Variants in HEATR6 observed in about 807,000 individuals in gnomAD.
HEATR6 encodes HEAT repeat containing 6, also known as HEAT repeat-containing protein 6.
Under a neutral mutation model 132.8 loss-of-function variants are expected in HEATR6, and 106 were observed. The ratio of observed to expected loss-of-function variants is 0.80; its 90% confidence interval spans 0.68 to 0.94. The LOEUF is 0.94. Among genes scored for constraint, HEATR6 ranks in the 40% least tolerant of loss-of-function variants. The pLI, the probability that HEATR6 is intolerant of heterozygous loss-of-function variation, is 0.00. For missense variants in HEATR6, 1,339 were observed against 1,425.1 expected (o/e 0.94, Z 0.97); for synonymous variants, 529 against 537.8 (o/e 0.98, Z 0.23).
rs1352350530 is a variant in HEATR6, at chr17:60,055,659, G to GAGTAACACCTTCACTCT, written c.2203-75_2203-59dup. The GAGTAACACCTTCACTCT allele has an allele frequency of 2.8e-5, 34 of 1,199,580 alleles. No individual in the cohort carries two copies. In the East Asian group the frequency reaches 6.4e-4, roughly 22 times the overall value. The allele number at this position is 1,199,580 out of a possible 1,614,324, so 74.3% of individuals were successfully genotyped here. On this transcript the variant is annotated intron_variant, in intron 13 of 19. Coordinates refer to ENST00000184956, the MANE Select transcript of HEATR6 (RefSeq NM_022070.5). The stretch of plus-strand genomic sequence containing the variant: ...TCAGAACTAATGAATGACTTCACTT[G>GAGTAACACCTTCACTCT]AGTAACACCTTCACTCTAGTAACAC...
chr17:60,073,596 G>A, intron 3 of HEATR6, 150 bp downstream of exon 3: 2 of 704,324 alleles, frequency 2.8e-6, no homozygotes, highest in South Asian at 3.9e-5. Flanking sequence ...CATCCTCAGA[G>A]TAACTATTTT....
intron 10 of HEATR6, 34 bp from the exon 11 acceptor site, chr17:60,059,555 T>C: frequency 7.0e-7 from 1 of 1,421,854 alleles, no homozygotes; most frequent in Non-Finnish European, 9.9e-7. Context: ...ATCAAAAGGC[T>C]TGATTAAACC....
intron 14 of HEATR6, 87 bp downstream of exon 14, chr17:60,055,428 T>C: frequency 1.3e-6 from 1 of 789,504 alleles, no homozygotes; most frequent in South Asian, 1.8e-5. Flanking sequence ...AGAAACCATA[T>C]CATCTACTCC....
Position 60,055,548 on chromosome 17 carries a change from A to T in HEATR6, c.2256T>A (p.Thr752=). 6.2e-7 allele frequency: 1 copy of T among 1,613,318 alleles called. No individual in the cohort carries two copies. Among genetic ancestry groups the T allele is most frequent in the Non-Finnish European group, 8.5e-7 (1 of 1,179,582 alleles). Residue 752 remains threonine, a synonymous_variant, in exon 14 of 20, where the codon ACT becomes ACA. Transcript: ENST00000184956. ...CTGGTGCTCTCTGATCAGGTGCTGC[A>T]GTGGAGTCTGGTTTATACTGCTGTA... is the stretch of plus-strand genomic sequence containing the variant. ...GLIQQYKPDS[T]AAPDQRAPVF... is the part of the protein sequence containing the mutation.
At position 60,046,081 on chromosome 17, in the gene HEATR6, C is replaced by T. The variant is rs748739017; in HGVS notation, c.2918G>A (p.Arg973Gln). Residue 973 changes from arginine to glutamine, a missense_variant, in exon 19 of 20, where the codon CGA becomes CAA. Physicochemically the swap from Arg to Gln is conservative, Grantham distance 43. Coordinates refer to ENST00000184956, the MANE Select transcript of HEATR6 (RefSeq NM_022070.5). Reference sequence around the variant, plus strand: ...TCCCATTGCATAACAAGCATTCCATCGGACTTTCATGGCAGCTTCTGTTAG... The same window carrying T: ...TCCCATTGCATAACAAGCATTCCATTGGACTTTCATGGCAGCTTCTGTTAG... ...TVLTEAAMKV[R>Q]WNACYAMGNV... 18 of 1,614,082 alleles carry T rather than the reference C, an allele frequency of 1.1e-5. No homozygotes were observed. Among genetic ancestry groups the T allele is most frequent in the South Asian group, 4.4e-5 (4 of 91,080 alleles).
In HEATR6 at chr17:60,046,109, C is replaced by T. The variant is rs1364138996; in HGVS notation, c.2890G>A (p.Val964Ile). 1 of 1,614,022 alleles carries T rather than the reference C, an allele frequency of 6.2e-7. No homozygotes were observed. The highest frequency in any genetic ancestry group is 8.5e-7 in the Non-Finnish European group (1 of 1,179,934). Residue 964 changes from valine (V) to isoleucine (I), a missense_variant, in exon 19 of 20, where the codon GTT (valine) becomes ATT (isoleucine). By Grantham distance (29) the Val-to-Ile change is conservative. Transcript: ENST00000184956. The part of the protein sequence containing the change: ...EESIQALIST[V>I]LTEAAMKVRW... ...ACTTTCATGGCAGCTTCTGTTAGAA[C>T]AGTAGAAATTAGGGCCTGGATAGAC...
At chr17:60,070,541 CTTAATA>C (rs778791245) in intron 6 of HEATR6, among the ~76,000 whole-genome samples, 159 bp downstream of exon 6, 11 of 152,000 alleles carry the variant, frequency 7.2e-5, no homozygotes, top group African/African-American at 2.2e-4. Context: ...ATTTTCTGTT[CTTAATA>C]TTAAGTGTCT....
At chr17:60,076,298 C>A in intron 1 of HEATR6, 61 bp from the exon 2 acceptor site, 5 of 832,438 alleles carry the variant, frequency 6.0e-6, no homozygotes, top group South Asian at 3.2e-5. Flanking sequence ...ATCCTCAAAA[C>A]ACAGCCAAAT....
At position 60,057,062 on chromosome 17, in the gene HEATR6, G is replaced by A; in HGVS notation, c.2065C>T (p.Leu689=). The A allele has an allele frequency of 1.3e-6, 2 of 1,596,196 alleles. No individual in the cohort carries two copies. Among genetic ancestry groups the A allele is most frequent in the Non-Finnish European group, 1.7e-6 (2 of 1,169,482 alleles). ...AAATCTCCTACCTGTAAGGCCTCCA[G>A]TCGCATGGGGGATGGTTCGTAGGTG... ...GSTYEPSPMR[L]EALQVLTLLA... The change falls in exon 12 of 20, where the codon CTG becomes TTG. Residue 689 remains leucine (L), a synonymous_variant. Transcript: ENST00000184956.
intron 2 of HEATR6, chr17:60,075,874 G>A (rs12941793): frequency 4.0e-6 from 1 of 250,634 alleles, no homozygotes; most frequent in East Asian, 7.6e-5. Context: ...TATAAGGTTG[G>A]GGGGCCTGAA....
At chr17:60,070,598 T>C in intron 6 of HEATR6, 108 bp downstream of exon 6, 1 of 515,884 alleles carries the variant, frequency 1.9e-6, no homozygotes, top group Admixed American at 3.5e-5. Context: ...AAAATATATG[T>C]AAGAACTTTT....
At chr17:60,069,991 TATAAA>T in intron 6 of HEATR6, 143 bp from the exon 7 acceptor site, 1 of 994,220 alleles carries the variant, frequency 1.0e-6, no homozygotes, top group Non-Finnish European at 1.4e-6. Flanking sequence ...ACTAAGGAAA[TATAAA>T]TGAGATAGAA....
At position 60,073,780 on chromosome 17, in the gene HEATR6, G is replaced by A. The variant is rs200715816; in HGVS notation, c.434C>T (p.Ala145Val). 6.2e-7 allele frequency: 1 copy of A among 1,614,018 alleles called. No individual in the cohort carries two copies. Among genetic ancestry groups the A allele is most frequent in the Non-Finnish European group, 8.5e-7 (1 of 1,179,898 alleles). ...THREILQALA[A>V]LVYCNGSKCQ... ...TTTGGAGCCATTGCAGTACACCAGA[G>A]CTGCCAGGGCTTGAAGAATTTCCCT... Residue 145 changes from alanine to valine, a missense_variant, in exon 3 of 20, where the codon GCT becomes GTT. By Grantham distance (64) the Ala-to-Val change is moderately conservative. Transcript: ENST00000184956.
At chr17:60,065,656 TAA>T (rs1215250957) in intron 9 of HEATR6, among the ~76,000 whole-genome samples, 1 of 152,234 alleles carries the variant, frequency 6.6e-6, no homozygotes, top group African/African-American at 2.4e-5. Flanking sequence ...TTTTTAAAAA[TAA>T]GTTTTTCTCA....
chr17:60,043,880 T>A lies in HEATR6; in HGVS notation c.3229A>T (p.Ile1077Phe). 6 of 1,614,162 alleles carry A rather than the reference T, an allele frequency of 3.7e-6. No homozygotes were observed. The highest frequency in any genetic ancestry group is 5.1e-6 in the Non-Finnish European group (6 of 1,180,008). ...SLRTQICQAL[I>F]HLLSLASASD... ...GCACTGGCCAAGCTCAAGAGGTGAA[T>A]CAGTGCCTGGCAGATTTGGGTCCGT... The change falls in exon 20 of 20, where the codon ATT (isoleucine) becomes TTT (phenylalanine). Residue 1077 changes from isoleucine to phenylalanine, a missense_variant. By Grantham distance (21) the Ile-to-Phe change is conservative (BLOSUM62 0). Coordinates refer to ENST00000184956, the MANE Select transcript of HEATR6 (RefSeq NM_022070.5).
Position 60,041,485 on chromosome 17 carries a change from G to C in HEATR6, c.*2078C>G, listed in dbSNP as rs370146999. 1.1e-4 allele frequency among the ~76,000 whole-genome samples: 17 copies of C among 151,962 alleles called. No individual in the cohort carries two copies. Among genetic ancestry groups the C allele is most frequent in the African/African-American group, 3.9e-4 (16 of 41,358 alleles). The stretch of plus-strand genomic sequence containing the variant: ...GAAAATGCCAAGAAGCTACTACTAA[G>C]AATGTATTCAAGAGACGGAAGTTCC... On this transcript the variant is annotated 3_prime_UTR_variant, in exon 20 of 20. Coordinates refer to ENST00000184956, the MANE Select transcript of HEATR6 (RefSeq NM_022070.5).
At position 60,057,261 on chromosome 17, in the gene HEATR6, G is replaced by C; in HGVS notation, c.1866C>G (p.Ser622Arg). Residue 622 changes from serine (S) to arginine (R), a missense_variant, in exon 12 of 20, where the codon AGC becomes AGG. By Grantham distance (110) the Ser-to-Arg change is moderately radical. Transcript: ENST00000184956. ...GGGCTTTCTTCCACCAATCAGGAGG[G>C]CTGAGGTGAGGGGTTGCTGAATTGC... Reference protein sequence around the residue: ...GNSNSATPHLSPPDWWKKAPA... With the variant: ...GNSNSATPHLRPPDWWKKAPA... 1 of 1,614,174 alleles carries C rather than the reference G, an allele frequency of 6.2e-7. No individual in the cohort carries two copies. The highest frequency in any genetic ancestry group is 8.5e-7 in the Non-Finnish European group (1 of 1,180,022).
At chr17:60,063,476 T>C (rs1377033916) in intron 9 of HEATR6, 1 of 152,212 alleles carries the variant, frequency 6.6e-6, no homozygotes, top group Non-Finnish European at 1.5e-5. Context: ...TGGAAGTGTA[T>C]AAGATGTGCT....
At position 60,043,611 on chromosome 17, in the gene HEATR6, A is replaced by G. The variant is rs1906258285; in HGVS notation, c.3498T>C (p.Phe1166=). Residue 1166 remains phenylalanine (F), a synonymous_variant, in exon 20 of 20, where the codon TTT becomes TTC. Coordinates refer to ENST00000184956, the MANE Select transcript of HEATR6 (RefSeq NM_022070.5). ...GTGCCCCTTGTGATCCAGATGAGTC[A>G]AAACAAACGGCCAGGATCTCTTCTA... is the stretch of plus-strand genomic sequence containing the variant. The part of the protein sequence containing the change: ...GFLEEILAVC[F]DSSGSQGALP... The G allele has an allele frequency of 2.5e-6, 4 of 1,614,152 alleles. No individual in the cohort carries two copies. Among genetic ancestry groups the G allele is most frequent in the Non-Finnish European group, 3.4e-6 (4 of 1,180,020 alleles).
Sources: allele counts gnomAD v4.1 joint callset (sites outside exome capture counted in the v4.1 genomes callset), GRCh38; gene constraint gnomAD v4.1.1; transcripts MANE v1.5; gene names NCBI Gene and HGNC (gene_info 2026-07-23, HGNC 2026-07-21).